The following DENND1B variants were observed in gnomAD, a reference collection of about 807,000 sequenced individuals.
DENND1B encodes DENN domain containing 1B, also known as DENN domain-containing protein 1B.
A neutral mutation model predicts 90.1 loss-of-function variants in DENND1B; 59 were observed. That is an observed-to-expected ratio of 0.65 (90% CI 0.53 to 0.81). The LOEUF is 0.81. Ranked by LOEUF, DENND1B falls within the 40% of genes least tolerant of loss-of-function variation. DENND1B has a pLI of 0.00. For synonymous variants in DENND1B, 337 were observed against 324.6 expected, an observed-to-expected ratio of 1.04 and a Z score of -0.41; for missense variants, 862 against 912.6, an observed-to-expected ratio of 0.94 and a Z score of 0.71.
At chr1:197,772,792 A>C in intron 2 of DENND1B, 76 bp downstream of exon 2, 1 of 1,316,456 alleles carries the variant, frequency 7.6e-7, no homozygotes, top group East Asian at 2.5e-5. Context: ...GCCACTGCAC[A>C]GCCTGAGGAA....
At chr1:197,685,508 G>C (rs988264371) in intron 3 of DENND1B, 1 of 151,986 alleles carries the variant, frequency 6.6e-6, no homozygotes, top group Non-Finnish European at 1.5e-5. Flanking sequence ...AGTCAGCAAG[G>C]TGTACTAAAA....
At chr1:197,592,466 T>A (rs931075827) in intron 14 of DENND1B, among the ~76,000 whole-genome samples, 3 of 152,172 alleles carry the variant, frequency 2.0e-5, no homozygotes, top group Non-Finnish European at 4.4e-5. Context: ...CATATATGAA[T>A]AAGGCTGAAG....
chr1:197,573,665 C>T (rs1360675642), intron 15 of DENND1B, among the ~76,000 whole-genome samples: 4 of 152,134 alleles, frequency 2.6e-5, no homozygotes, highest in Admixed American at 2.6e-4. Flanking sequence ...GAATTTTAGG[C>T]CAATATTTCT....
At chr1:197,722,234 T>C (rs1661249317) in intron 2 of DENND1B, among the ~76,000 whole-genome samples, 1 of 152,152 alleles carries the variant, frequency 6.6e-6, no homozygotes, top group Admixed American at 6.5e-5. Flanking sequence ...AGGTTCATTA[T>C]ATATGGATAG....
chr1:197,578,120 GTTTCA>G (rs1323823164), intron 15 of DENND1B, among the ~76,000 whole-genome samples: 1 of 152,186 alleles, frequency 6.6e-6, no homozygotes, highest in Non-Finnish European at 1.5e-5. Context: ...AGGATACAAA[GTTTCA>G]GTTAGACAAG....
At chr1:197,535,894 T>C (rs1176230074) in intron 20 of DENND1B, among the ~76,000 whole-genome samples, 2 of 152,054 alleles carry the variant, frequency 1.3e-5, no homozygotes, top group Non-Finnish European at 2.9e-5. Flanking sequence ...TGAGGGCCTA[T>C]AAGATCTGTG....
intron 3 of DENND1B, among the ~76,000 whole-genome samples, chr1:197,706,061 A>G (rs1452974620): frequency 6.6e-6 from 1 of 152,120 alleles, no homozygotes; most frequent in African/African-American, 2.4e-5. Context: ...TCAAAATCAC[A>G]TGTCTGTAGG....
chr1:197,694,548 G>A (rs1369208818), intron 3 of DENND1B, among the ~76,000 whole-genome samples: 5 of 151,426 alleles, frequency 3.3e-5, no homozygotes, highest in Admixed American at 6.6e-5. Context: ...ATCAGCCTAT[G>A]TTAGGTAACC....
At chr1:197,583,349 G>T in intron 14 of DENND1B, 96 bp from the exon 15 acceptor site, 1 of 1,131,174 alleles carries the variant, frequency 8.8e-7, no homozygotes, top group Non-Finnish European at 1.3e-6. Flanking sequence ...TAGAGGAAGC[G>T]TAAGGTGCAG....
chr1:197,704,237 C>T (rs1300340625), intron 3 of DENND1B, among the ~76,000 whole-genome samples: 1 of 152,154 alleles, frequency 6.6e-6, no homozygotes. Context: ...GCCTGTGCAA[C>T]AGGTTAAGAA....
At chr1:197,600,100 T>C (rs1676063345) in intron 13 of DENND1B, among the ~76,000 whole-genome samples, 1 of 151,780 alleles carries the variant, frequency 6.6e-6, no homozygotes, top group South Asian at 2.1e-4. Context: ...TCATCATCAT[T>C]GAGGCCAATT....
intron 6 of DENND1B, among the ~76,000 whole-genome samples, chr1:197,653,710 T>C (rs1433060083): frequency 6.6e-6 from 1 of 152,070 alleles, no homozygotes; most frequent in Non-Finnish European, 1.5e-5. Flanking sequence ...TTTTCTTTTA[T>C]GTATTCCAGT....
chr1:197,612,681 T>C (rs1314395291), intron 11 of DENND1B, among the ~76,000 whole-genome samples: 1 of 150,744 alleles, frequency 6.6e-6, no homozygotes, highest in Non-Finnish European at 1.5e-5. Flanking sequence ...AGTGTGAGAA[T>C]AATCTTGAAT....
At chr1:197,627,858 A>C (rs1678920744) in intron 10 of DENND1B, among the ~76,000 whole-genome samples, 1 of 152,154 alleles carries the variant, frequency 6.6e-6, no homozygotes, top group South Asian at 2.1e-4. Flanking sequence ...AATGTACAAA[A>C]ATCACAAGCA....
intron 3 of DENND1B, among the ~76,000 whole-genome samples, chr1:197,700,826 C>T (rs569292614): frequency 5.9e-5 from 9 of 152,168 alleles, no homozygotes; most frequent in Non-Finnish European, 1.0e-4. Context: ...AGCCAACAAA[C>T]GAGAAAAAGC....
intron 20 of DENND1B, among the ~76,000 whole-genome samples, chr1:197,517,569 C>T (rs540459935): frequency 1.3e-5 from 2 of 151,992 alleles, no homozygotes; most frequent in South Asian, 2.1e-4. Flanking sequence ...TAACTGCCTA[C>T]CCCATATTGA....
intron 2 of DENND1B, among the ~76,000 whole-genome samples, chr1:197,752,258 G>A (rs1257887044): frequency 6.6e-6 from 1 of 152,012 alleles, no homozygotes; most frequent in Non-Finnish European, 1.5e-5. Flanking sequence ...GAATGGTTTT[G>A]TGCCAATACC....
At chr1:197,668,861 C>A (rs1431617577) in intron 5 of DENND1B, among the ~76,000 whole-genome samples, 3 of 145,598 alleles carry the variant, frequency 2.1e-5, no homozygotes, top group Admixed American at 1.4e-4. Context: ...AAAGCTTATA[C>A]CATTTTTTAG....
intron 20 of DENND1B, among the ~76,000 whole-genome samples, chr1:197,528,657 G>A (rs1669318189): frequency 1.3e-5 from 2 of 151,972 alleles, no homozygotes. Flanking sequence ...TCAGGAGATC[G>A]AGACCATCCC....
Sources: allele counts gnomAD v4.1 joint callset (sites outside exome capture counted in the v4.1 genomes callset), GRCh38; gene constraint gnomAD v4.1.1; transcripts MANE v1.5; gene names NCBI Gene and HGNC (gene_info 2026-07-23, HGNC 2026-07-21).